Variants in PTPN22 observed in about 807,000 individuals in gnomAD.
PTPN22 encodes the protein tyrosine-protein phosphatase non-receptor type 22.
PTPN22 carries 85 observed loss-of-function variants against 103.3 expected under a neutral mutation model. The ratio of observed to expected loss-of-function variants is 0.82; its 90% confidence interval spans 0.69 to 0.99. The LOEUF (loss-of-function observed/expected upper bound fraction) is 0.99, where lower values mean the gene tolerates loss of function less well. PTPN22 is among the 50% of genes least tolerant of loss of function. PTPN22 has a pLI of 0.00. For synonymous variants in PTPN22, 323 were observed against 310.2 expected, an observed-to-expected ratio of 1.04 and a Z score of -0.43; for missense variants, 865 against 936.9, an observed-to-expected ratio of 0.92 and a Z score of 1.00.
At chr1:113,862,565 G>A (rs1475196335) in intron 1 of PTPN22, among the ~76,000 whole-genome samples, 2 of 152,106 alleles carry the variant, frequency 1.3e-5, no homozygotes, top group Admixed American at 6.5e-5. Context: ...ATAAAATAAA[G>A]TCACTCCCAA....
intron 9 of PTPN22, among the ~76,000 whole-genome samples, chr1:113,853,437 ACCTC>A: frequency 7.9e-6 from 1 of 126,530 alleles, no homozygotes; most frequent in Non-Finnish European, 1.6e-5. Flanking sequence ...TGCAACCTCC[ACCTC>A]CCAGGTTCAA....
At chr1:113,854,858 T>C (rs747027206) in intron 8 of PTPN22, 49 bp downstream of exon 8, 10 of 1,579,040 alleles carry the variant, frequency 6.3e-6, no homozygotes, top group Admixed American at 5.2e-5. Context: ...CTGGCCAGAC[T>C]CTGACATTTG....
At chr1:113,819,539 G>A (rs369920345) in intron 20 of PTPN22, 38 bp downstream of exon 20, 8 of 1,467,498 alleles carry the variant, frequency 5.5e-6, no homozygotes, top group African/African-American at 2.8e-5. Context: ...AGTAATTTAG[G>A]TAATTTTTTT....
chr1:113,838,491 T>A (rs1663225773), intron 12 of PTPN22, 53 bp downstream of exon 12: 1 of 1,603,434 alleles, frequency 6.2e-7, no homozygotes, highest in Non-Finnish European at 8.5e-7. Context: ...AAGCATGAGA[T>A]TCATCTCCCA....
intron 1 of PTPN22, among the ~76,000 whole-genome samples, chr1:113,860,899 G>A (rs1424978251): frequency 6.6e-6 from 1 of 152,158 alleles, no homozygotes; most frequent in African/African-American, 2.4e-5. Flanking sequence ...TATACACAAA[G>A]CCCTTTGCGT....
rs1304761958 is a variant in PTPN22 at position 113,814,936 on chromosome 1, G to A, written c.2393C>T (p.Pro798Leu). 6 of 1,606,640 alleles carry A rather than the reference G, an allele frequency of 3.7e-6. No homozygotes were observed. The African/African-American group carries it at 4.0e-5, about 11-fold the overall frequency. Residue 798 changes from proline (P) to leucine (L), a missense_variant, in exon 21 of 21, where the codon CCA becomes CTA. Coordinates refer to ENST00000359785, the Ensembl canonical transcript of PTPN22. ...ATTCCAAGTTGGTGGTGGATTCCTTGGTCCTTTGGGTTTTGAAAAACGGTT... is the reference window on the plus strand; with the variant it reads ...ATTCCAAGTTGGTGGTGGATTCCTTAGTCCTTTGGGTTTTGAAAAACGGTT...
At chr1:113,816,216 A>G (rs1340577589) in intron 20 of PTPN22, among the ~76,000 whole-genome samples, 2 of 152,130 alleles carry the variant, frequency 1.3e-5, no homozygotes, top group African/African-American at 4.8e-5. Context: ...ATGCCTTTGA[A>G]TAATCCCACA....
chr1:113,821,545 A>T (rs1571338149), intron 19 of PTPN22, among the ~76,000 whole-genome samples: 2 of 152,040 alleles, frequency 1.3e-5, no homozygotes, highest in East Asian at 3.9e-4. Flanking sequence ...GCTGGTCTCA[A>T]ACTCCTGACC....
intron 11 of PTPN22, among the ~76,000 whole-genome samples, chr1:113,840,453 A>T (rs115880837): frequency 0.01 from 1,538 of 152,294 alleles, 32 homozygotes; most frequent in African/African-American, 0.035. Context: ...CAAAAAGAAT[A>T]AAATACTTAG....
chr1:113,867,230 CCTTACCCTAAAA>C (rs895575020), intron 1 of PTPN22, among the ~76,000 whole-genome samples: 6 of 152,158 alleles, frequency 3.9e-5, no homozygotes, highest in African/African-American at 1.4e-4. Context: ...CTAACTATGT[CCTTACCCTAAAA>C]CTTACCCTAA....
intron 18 of PTPN22, chr1:113,829,012 AT>A (rs1662320427): frequency 6.6e-6 from 1 of 151,864 alleles, no homozygotes; most frequent in African/African-American, 2.4e-5. Context: ...TTTTCTTTTT[AT>A]TTATTTTTAT....
chr1:113,841,927 G>A (rs1236362488), intron 11 of PTPN22, among the ~76,000 whole-genome samples: 1 of 151,994 alleles, frequency 6.6e-6, no homozygotes, highest in Non-Finnish European at 1.5e-5. Context: ...AGCAAAATCT[G>A]GGCACCATGG....
chr1:113,870,139 T>C (rs1247879615), intron 1 of PTPN22, among the ~76,000 whole-genome samples: 1 of 152,212 alleles, frequency 6.6e-6, no homozygotes, highest in African/African-American at 2.4e-5. Context: ...AAGTGCTCAA[T>C]AAATGGTACT....
intron 13 of PTPN22, among the ~76,000 whole-genome samples, chr1:113,837,068 A>T (rs1663081324): frequency 6.6e-6 from 1 of 152,090 alleles, no homozygotes; most frequent in South Asian, 2.1e-4. Context: ...GTTTCATGGA[A>T]TATTATGTTT....
At chr1:113,854,620 G>A in intron 8 of PTPN22, 83 bp from the exon 9 acceptor site, 2 of 1,346,562 alleles carry the variant, frequency 1.5e-6, no homozygotes, top group Non-Finnish European at 2.1e-6. Context: ...AATTTCACCA[G>A]CAGATTTGAG....
chr1:113,863,925 ATATT>A (rs1665869798), intron 1 of PTPN22, among the ~76,000 whole-genome samples: 3 of 19,724 alleles, frequency 1.5e-4, no homozygotes, highest in Non-Finnish European at 1.2e-4. Context: ...ATATATATAT[ATATT>A]TTTTTTTGAC....
intron 13 of PTPN22, 27 bp from the exon 14 acceptor site, chr1:113,835,020 A>G (rs757471571): frequency 7.2e-7 from 1 of 1,391,798 alleles, no homozygotes; most frequent in Non-Finnish European, 9.8e-7. Flanking sequence ...AAATATTGTA[A>G]CAATTGTTAA....
At chr1:113,817,185 A>C (rs972461519) in intron 20 of PTPN22, among the ~76,000 whole-genome samples, 1 of 152,198 alleles carries the variant, frequency 6.6e-6, no homozygotes, top group African/African-American at 2.4e-5. Context: ...CTTGATTGTA[A>C]CCCAAGTGGA....
intron 1 of PTPN22, among the ~76,000 whole-genome samples, chr1:113,860,182 C>G (rs1029021523): frequency 6.6e-6 from 1 of 152,060 alleles, no homozygotes; most frequent in African/African-American, 2.4e-5. Flanking sequence ...GGGATTTCAC[C>G]ATGTTGCCCA....
Sources: gnomAD v4.1 joint callset for allele counts (sites outside exome capture counted in the v4.1 genomes callset) on GRCh38, gnomAD v4.1.1 for gene constraint, MANE v1.5 for transcripts, NCBI Gene and HGNC (gene_info 2026-07-23, HGNC 2026-07-21) for gene names.